Variants in WDR33 observed in about 807,000 individuals in gnomAD.
WDR33 encodes WD repeat domain 33.
Under a neutral mutation model 164.9 loss-of-function variants are expected in WDR33, and 47 were observed. The observed-to-expected ratio is 0.29, with a 90% CI of 0.23 to 0.36. The LOEUF is 0.36. WDR33 is among the 10% of genes least tolerant of loss of function. The pLI, the probability that WDR33 is intolerant of heterozygous loss-of-function variation, is 1.00. For synonymous variants in WDR33, 505 were observed against 589.0 expected (o/e 0.86, Z 2.06); for missense variants, 1,137 against 1,754.1 (o/e 0.65, Z 6.28).
rs1686484261 is a variant in WDR33 at position 127,723,208 on chromosome 2, T to C, written c.1291+45A>G. 1.9e-6 allele frequency: 3 copies of C among 1,557,742 alleles called. No individual in the cohort carries two copies. Among genetic ancestry groups the C allele is most frequent in the South Asian group, 1.2e-5 (1 of 85,676 alleles). The stretch of plus-strand genomic sequence containing the variant: ...TTCCCAACATCTAACACTTCTGTAA[T>C]AGAATACCAGATTTCAAAGAAGGAC... On this transcript the variant is annotated intron_variant, in intron 12 of 21. Transcript: ENST00000322313. This position sits in a 1 kb window ranked among gnomAD's most constrained non-coding sequence, Gnocchi z 5.9.
chr2:127,780,390 C>T (rs1444033134), intron 1 of WDR33, among the ~76,000 whole-genome samples: 1 of 152,112 alleles, frequency 6.6e-6, no homozygotes, highest in African/African-American at 2.4e-5. Flanking sequence ...ATTTGATACC[C>T]AATCTGTCAT....
At chr2:127,802,527 C>A (rs940600612) in intron 1 of WDR33, among the ~76,000 whole-genome samples, 5 of 152,084 alleles carry the variant, frequency 3.3e-5, no homozygotes, top group Admixed American at 1.3e-4. Flanking sequence ...GGTGATCTGC[C>A]CCCCTCGGCC....
rs567384737 is a variant in WDR33 at position 127,750,123 on chromosome 2, C to T, written c.724+12939G>A. 2.0e-5 allele frequency among the ~76,000 whole-genome samples: 3 copies of T among 152,182 alleles called. No individual in the cohort carries two copies. In the South Asian group the frequency reaches 6.2e-4, roughly 32 times the overall value. Reference sequence around the variant, plus strand: ...ACTGCAGCCTCAGATTTCCCAGGTTCAAGAGATCCTCCTACCTCAGCCTCC... The same window carrying T: ...ACTGCAGCCTCAGATTTCCCAGGTTTAAGAGATCCTCCTACCTCAGCCTCC... On this transcript the variant is annotated intron_variant, in intron 7 of 21. Transcript: ENST00000322313.
intron 7 of WDR33, among the ~76,000 whole-genome samples, chr2:127,750,164 A>G (rs1687281490): frequency 6.6e-6 from 1 of 152,032 alleles, no homozygotes; most frequent in Non-Finnish European, 1.5e-5. Context: ...ATCAGGGACC[A>G]CAGGCACACG....
chr2:127,712,093 G>A lies in WDR33; in HGVS notation c.3308+1490C>T, dbSNP rs1306507886. Among the ~76,000 whole-genome samples the A allele has an allele frequency of 6.6e-6, 1 of 151,846 alleles. No homozygotes were observed. The highest frequency in any genetic ancestry group is 1.5e-5 in the Non-Finnish European group (1 of 67,938). ...GGCCTTAACCATCTATTCACAAGAA[G>A]AGTAAGAAATGGAATGAAAGGACCA... On this transcript the variant is annotated intron_variant, in intron 18 of 21. Coordinates refer to ENST00000322313, the MANE Select transcript of WDR33 (RefSeq NM_018383.5). This position sits in a 1 kb window ranked among gnomAD's most constrained non-coding sequence, Gnocchi z 4.0.
Position 127,713,195 on chromosome 2 carries a change from A to G in WDR33, c.3308+388T>C, listed in dbSNP as rs1209471518. 6.6e-6 allele frequency among the ~76,000 whole-genome samples: 1 copy of G among 152,220 alleles called. No individual in the cohort carries two copies. Among genetic ancestry groups the G allele is most frequent in the African/African-American group, 2.4e-5 (1 of 41,452 alleles). On this transcript the variant is annotated intron_variant, in intron 18 of 21. Transcript: ENST00000322313. This position sits in a 1 kb window ranked among gnomAD's most constrained non-coding sequence, Gnocchi z 6.2. Reference sequence around the variant, plus strand: ...TTTGTTAAGATTATTGGGCAATTACACAAAAATTGTATCTATTTCACAACC... The same window carrying G: ...TTTGTTAAGATTATTGGGCAATTACGCAAAAATTGTATCTATTTCACAACC...
intron 1 of WDR33, among the ~76,000 whole-genome samples, chr2:127,799,782 T>A (rs1170825850): frequency 1.3e-5 from 2 of 152,122 alleles, no homozygotes; most frequent in Non-Finnish European, 2.9e-5. Flanking sequence ...TCGAACCACC[T>A]CCTGCTGGAG....
chr2:127,758,826 T>C (rs1269901638), intron 7 of WDR33, among the ~76,000 whole-genome samples: 2 of 152,204 alleles, frequency 1.3e-5, no homozygotes, highest in Admixed American at 6.5e-5. Context: ...TCTTTAACGA[T>C]TGTGAAAATA....
In WDR33 at chr2:127,706,178, C is replaced by T; in HGVS notation, c.*145G>A. The T allele has an allele frequency of 1.5e-6, 1 of 686,504 alleles. No individual in the cohort carries two copies. Among genetic ancestry groups the T allele is most frequent in the South Asian group, 3.6e-5 (1 of 28,126 alleles). 42.5% of individuals were successfully genotyped at this position (686,504 alleles called of 1,614,324 possible). Reference sequence around the variant, plus strand: ...GGCAGCAGTCTCTTCATCTTGAAGACCTCATTGAGGGTTCCTGGGATTCAG... The same window carrying T: ...GGCAGCAGTCTCTTCATCTTGAAGATCTCATTGAGGGTTCCTGGGATTCAG... On this transcript the variant is annotated 3_prime_UTR_variant, in exon 22 of 22. Coordinates refer to ENST00000322313, the MANE Select transcript of WDR33 (RefSeq NM_018383.5). This position sits in a 1 kb window ranked among gnomAD's most constrained non-coding sequence, Gnocchi z 5.1.
At chr2:127,737,504 G>C (rs753399817) in intron 7 of WDR33, 7 of 986,168 alleles carry the variant, frequency 7.1e-6, no homozygotes, top group Non-Finnish European at 8.4e-6. Flanking sequence ...AGCTAGAAAA[G>C]TGCAAAAAGA....
At chr2:127,790,855 A>C (rs1007505877) in intron 1 of WDR33, among the ~76,000 whole-genome samples, 2 of 152,156 alleles carry the variant, frequency 1.3e-5, no homozygotes, top group Non-Finnish European at 2.9e-5. Flanking sequence ...GTGTCTTTGA[A>C]GGAGTTGATC....
rs1687404453 is a variant in WDR33, at chr2:127,752,619, A to G, written c.724+10443T>C. 2.7e-5 allele frequency among the ~76,000 whole-genome samples: 4 copies of G among 146,550 alleles called. No individual in the cohort carries two copies. The South Asian group carries it at 8.5e-4, about 31-fold the overall frequency. On this transcript the variant is annotated intron_variant, in intron 7 of 21. Transcript: ENST00000322313. ...CTCAAAAAAAAAAAAAAAAAAAAAA[A>G]AGAAACAGTCTAGGCACCAATGACA...
At chr2:127,800,563 G>C (rs1439440889) in intron 1 of WDR33, among the ~76,000 whole-genome samples, 1 of 149,896 alleles carries the variant, frequency 6.7e-6, no homozygotes, top group African/African-American at 2.5e-5. Flanking sequence ...CATGAACCCA[G>C]GAGTCGGAGC....
intron 1 of WDR33, among the ~76,000 whole-genome samples, chr2:127,800,201 C>T (rs376982769): frequency 1.6e-4 from 25 of 152,302 alleles, no homozygotes; most frequent in South Asian, 4.1e-4. Context: ...AATATTTGTA[C>T]GTGAATGTTT....
chr2:127,739,919 T>C (rs1686963338), intron 7 of WDR33, among the ~76,000 whole-genome samples: 1 of 152,200 alleles, frequency 6.6e-6, no homozygotes, highest in Non-Finnish European at 1.5e-5. Flanking sequence ...AAAATAACAC[T>C]GAATTCTGAT....
chr2:127,757,926 C>A (rs866623097), intron 7 of WDR33, among the ~76,000 whole-genome samples: 32 of 152,154 alleles, frequency 2.1e-4, no homozygotes, highest in Non-Finnish European at 3.7e-4. Flanking sequence ...AAGGGGCACA[C>A]AGAGACTTAA....
At position 127,806,065 on chromosome 2, in the gene WDR33, T is replaced by C. The variant is rs1430979927; in HGVS notation, c.-24+4947A>G. On this transcript the variant is annotated intron_variant, in intron 1 of 21. Transcript: ENST00000322313. Reference sequence around the variant, plus strand: ...AGGTTGAGGCTGCAGTGAGCTGTGATTGTGCCACTGCACTCCAACCTGGAT... The same window carrying C: ...AGGTTGAGGCTGCAGTGAGCTGTGACTGTGCCACTGCACTCCAACCTGGAT... Among the ~76,000 whole-genome samples, 24 of 152,036 alleles carry C rather than the reference T, an allele frequency of 1.6e-4. No homozygotes were observed. In the East Asian group the frequency reaches 4.4e-3, roughly 28 times the overall value.
At chr2:127,805,899 T>C (rs530720411) in intron 1 of WDR33, among the ~76,000 whole-genome samples, 2 of 151,478 alleles carry the variant, frequency 1.3e-5, no homozygotes, top group East Asian at 3.9e-4. Context: ...TGGAATGAAG[T>C]GTCGTCTTGA....
intron 7 of WDR33, among the ~76,000 whole-genome samples, chr2:127,749,445 C>T (rs1687253615): frequency 6.6e-6 from 1 of 151,670 alleles, no homozygotes; most frequent in Admixed American, 6.6e-5. Flanking sequence ...GTGGATCACC[C>T]GAGGTCAGGG....
Sources: allele counts gnomAD v4.1 joint callset (sites outside exome capture counted in the v4.1 genomes callset), GRCh38; gene constraint gnomAD v4.1.1; non-coding constraint Gnocchi (gnomAD v3.1); transcripts MANE v1.5; gene names NCBI Gene and HGNC (gene_info 2026-07-23, HGNC 2026-07-21).